Variants in DLC1 observed in about 807,000 individuals in gnomAD.
DLC1 encodes the protein DLC1 Rho GTPase activating protein.
DLC1 carries 54 observed loss-of-function variants against 140.3 expected under a neutral mutation model. The observed-to-expected ratio is 0.38, with a 90% confidence interval of 0.31 to 0.48. The LOEUF (loss-of-function observed/expected upper bound fraction) is 0.48, where lower values mean the gene tolerates loss of function less well. Among genes scored for constraint, DLC1 ranks in the 20% least tolerant of loss-of-function variants. The probability of loss-of-function intolerance (pLI) is 0.96; values close to 1 mark genes in which losing one functional copy is unlikely to be tolerated. For synonymous variants in DLC1, 986 were observed against 728.1 expected, an observed-to-expected ratio of 1.35 and a Z score of -5.70; for missense variants, 2,536 against 1,907.0, an observed-to-expected ratio of 1.33 and a Z score of -6.14.
chr8:13,104,941 C>A (rs1306325025), intron 7 of DLC1, among the ~76,000 whole-genome samples: 1 of 152,170 alleles, frequency 6.6e-6, no homozygotes, highest in East Asian at 1.9e-4. Context: ...GACTTACACC[C>A]ACAGTGTTTT....
intron 10 of DLC1, chr8:13,096,114 G>C (rs980214495): frequency 6.6e-6 from 1 of 152,130 alleles, no homozygotes; most frequent in African/African-American, 2.4e-5. Context: ...AACAGGACCC[G>C]AAAGGGCAAG....
chr8:13,478,380 C>G (rs559239448), intron 2 of DLC1, among the ~76,000 whole-genome samples: 1 of 152,318 alleles, frequency 6.6e-6, no homozygotes, highest in African/African-American at 2.4e-5. Flanking sequence ...AAACCTCCCA[C>G]CAGGTCCCAA....
chr8:13,377,053 G>A (rs1836027836), intron 4 of DLC1, among the ~76,000 whole-genome samples: 1 of 152,178 alleles, frequency 6.6e-6, no homozygotes, highest in Admixed American at 6.5e-5. Context: ...ACTAGTTCTT[G>A]GTTTGGGTAG....
intron 5 of DLC1, among the ~76,000 whole-genome samples, chr8:13,126,613 G>C (rs1184294774): frequency 2.0e-5 from 3 of 152,084 alleles, no homozygotes; most frequent in Non-Finnish European, 2.9e-5. Flanking sequence ...AATGAAGCAC[G>C]TGTTTTAAGA....
intron 10 of DLC1, among the ~76,000 whole-genome samples, chr8:13,097,393 A>G (rs1818594994): frequency 6.6e-6 from 1 of 152,122 alleles, no homozygotes; most frequent in Non-Finnish European, 1.5e-5. Flanking sequence ...CTTCCTGAGT[A>G]GATGGGATTA....
chr8:13,169,389 A>G (rs2116917492), intron 5 of DLC1, among the ~76,000 whole-genome samples: 1 of 152,332 alleles, frequency 6.6e-6, no homozygotes, highest in Admixed American at 6.5e-5. Context: ...ATGTTTTTGT[A>G]AAATGGGGAA....
intron 4 of DLC1, among the ~76,000 whole-genome samples, chr8:13,392,522 A>G (rs945432557): frequency 5.3e-5 from 8 of 152,166 alleles, no homozygotes; most frequent in Admixed American, 6.6e-5. Flanking sequence ...GTCCTATTTT[A>G]GACTTGACTT....
At chr8:13,163,862 C>A (rs1333168770) in intron 5 of DLC1, among the ~76,000 whole-genome samples, 1 of 151,984 alleles carries the variant, frequency 6.6e-6, no homozygotes, top group Admixed American at 6.6e-5. Context: ...CCAAAATTAG[C>A]CAAGTATTGT....
intron 5 of DLC1, among the ~76,000 whole-genome samples, chr8:13,149,438 C>T (rs1203824851): frequency 6.6e-6 from 1 of 152,192 alleles, no homozygotes; most frequent in African/African-American, 2.4e-5. Context: ...TTTAACTCAA[C>T]ATCTTTTGTT....
In DLC1 at chr8:13,499,847, C is replaced by T; in HGVS notation, c.225G>A (p.Gly75=). ...CHGSELRDFP[G]RPMGHLSKDV... Reference sequence around the variant, plus strand: ...CCTTTGAAAGATGACCCATTGGCCTCCCAGGAAAATCTCTCAGCTCTGATC... The same window carrying T: ...CCTTTGAAAGATGACCCATTGGCCTTCCAGGAAAATCTCTCAGCTCTGATC... The change falls in exon 2 of 18, where the codon GGG becomes GGA. Residue 75 remains glycine (G), a synonymous_variant. Coordinates refer to ENST00000276297, the MANE Select transcript of DLC1 (RefSeq NM_182643.3). 1.2e-6 allele frequency: 2 copies of T among 1,614,084 alleles called. No individual in the cohort carries two copies. The highest frequency in any genetic ancestry group is 1.7e-6 in the Non-Finnish European group (2 of 1,180,006).
At chr8:13,401,365 T>C (rs1243567716) in intron 3 of DLC1, 105 bp downstream of exon 3, 2 of 1,413,030 alleles carry the variant, frequency 1.4e-6, no homozygotes, top group Admixed American at 2.3e-5. Flanking sequence ...TGGGGTTACA[T>C]GTTGTTAGAT....
chr8:13,347,544 C>T (rs1432111245), intron 4 of DLC1, among the ~76,000 whole-genome samples: 1 of 152,076 alleles, frequency 6.6e-6, no homozygotes, highest in Non-Finnish European at 1.5e-5. Flanking sequence ...GATCATTCTT[C>T]CTGTGTATAT....
intron 5 of DLC1, among the ~76,000 whole-genome samples, chr8:13,128,043 A>G (rs1821732769): frequency 6.7e-6 from 1 of 149,266 alleles, no homozygotes; most frequent in Non-Finnish European, 1.5e-5. Flanking sequence ...TAGTAGAACA[A>G]AAAAAAAAAC....
intron 1 of DLC1, among the ~76,000 whole-genome samples, chr8:13,533,632 G>C (rs765772590): frequency 4.6e-5 from 7 of 152,240 alleles, no homozygotes; most frequent in Admixed American, 1.3e-4. Flanking sequence ...AAGAATCAAA[G>C]TCATTTATTT....
chr8:13,461,637 T>C (rs1799663670), intron 2 of DLC1, among the ~76,000 whole-genome samples: 2 of 152,180 alleles, frequency 1.3e-5, no homozygotes, highest in Admixed American at 1.3e-4. Flanking sequence ...TTATTATTAT[T>C]TATTATTAGT....
chr8:13,289,012 T>G (rs75539881), intron 5 of DLC1, among the ~76,000 whole-genome samples: 7,682 of 152,256 alleles, frequency 0.05, 239 homozygotes, highest in South Asian at 0.12. Flanking sequence ...AATCGCATAT[T>G]AGGTGCTCTG....
chr8:13,184,295 T>C (rs1302194737), intron 5 of DLC1, among the ~76,000 whole-genome samples: 2 of 149,260 alleles, frequency 1.3e-5, no homozygotes, highest in African/African-American at 5.2e-5. Context: ...TTTTGAAGGG[T>C]TTTTTGTGTC....
chr8:13,322,001 C>A (rs3911339), intron 4 of DLC1, among the ~76,000 whole-genome samples: 30,378 of 151,868 alleles, frequency 0.2, 3,445 homozygotes, highest in East Asian at 0.38. Flanking sequence ...ATTTGGAGAA[C>A]CCTAAATAAT....
intron 5 of DLC1, among the ~76,000 whole-genome samples, chr8:13,298,840 G>T (rs1000366763): frequency 6.6e-6 from 1 of 152,078 alleles, no homozygotes; most frequent in Non-Finnish European, 1.5e-5. Context: ...CAACAAATCT[G>T]CACTTGTACC....
Sources: allele counts gnomAD v4.1 joint callset (sites outside exome capture counted in the v4.1 genomes callset), GRCh38; gene constraint gnomAD v4.1.1; transcripts MANE v1.5; gene names NCBI Gene and HGNC (gene_info 2026-07-23, HGNC 2026-07-21).